Variants in IRAG2 observed in about 807,000 individuals in gnomAD.
IRAG2 encodes the protein lymphoid restricted membrane protein.
In IRAG2, 45 loss-of-function variants were observed where a neutral mutation model predicts 69.9. The observed-to-expected ratio is 0.64, with a 90% CI of 0.51 to 0.83. The LOEUF (loss-of-function observed/expected upper bound fraction) is 0.83, where lower values mean the gene tolerates loss of function less well. Among genes scored for constraint, IRAG2 ranks in the 40% least tolerant of loss-of-function variants. The pLI, the probability that IRAG2 is intolerant of heterozygous loss-of-function variation, is 0.00. For synonymous variants in IRAG2, 193 were observed against 202.4 expected (o/e 0.95, Z 0.40); for missense variants, 520 against 587.0 (o/e 0.89, Z 1.18).
intron 8 of IRAG2, among the ~76,000 whole-genome samples, chr12:25,026,153 C>A (rs1944619704): frequency 2.6e-5 from 4 of 152,062 alleles, no homozygotes; most frequent in Admixed American, 2.6e-4. Context: ...AGTGAGGGGG[C>A]TGGGCATAGT....
intron 4 of IRAG2, among the ~76,000 whole-genome samples, chr12:25,064,363 G>A (rs1271381992): frequency 6.6e-6 from 1 of 152,204 alleles, no homozygotes; most frequent in African/African-American, 2.4e-5. Flanking sequence ...AAAGCCTTAA[G>A]TGTTTGAAAA....
intron 1 of IRAG2, chr12:25,005,173 A>T: frequency 1.2e-6 from 1 of 863,204 alleles, no homozygotes; most frequent in Non-Finnish European, 1.5e-6. Flanking sequence ...TAAACCAAAA[A>T]AAAAAAAGGA....
chr12:25,008,824 G>C (rs1944452452), intron 2 of IRAG2, among the ~76,000 whole-genome samples: 1 of 152,096 alleles, frequency 6.6e-6, no homozygotes, highest in Non-Finnish European at 1.5e-5. Flanking sequence ...TTAAAAAAGT[G>C]ATATACTAAT....
At chr12:25,050,386 G>A (rs1227588074), upstream of IRAG2, among the ~76,000 whole-genome samples, 1 of 151,044 alleles carries the variant, frequency 6.6e-6, no homozygotes, top group Non-Finnish European at 1.5e-5. Flanking sequence ...AAAATTAGCC[G>A]GGCATGGTGG....
intron 6 of IRAG2, among the ~76,000 whole-genome samples, chr12:25,071,534 G>T (rs1402783955): frequency 6.6e-6 from 1 of 152,170 alleles, no homozygotes; most frequent in Non-Finnish European, 1.5e-5. Flanking sequence ...TCAGTTGTGT[G>T]CCAGGAACTT....
intron 14 of IRAG2, chr12:25,092,723 CA>C (rs1238381241): frequency 6.4e-6 from 1 of 155,236 alleles, no homozygotes. Flanking sequence ...TTTCAGCTCC[CA>C]AAAGTGTTCC....
Position 25,060,069 on chromosome 12 carries a change from G to A in IRAG2, c.-446-1523G>A, listed in dbSNP as rs181104581. ...AAAAAAAAGTGGTAGCTATTAATATGCTTCCATCTAGCAGAGCTCCTTATA... is the reference window on the plus strand; with the variant it reads ...AAAAAAAAGTGGTAGCTATTAATATACTTCCATCTAGCAGAGCTCCTTATA... On this transcript the variant is annotated intron_variant, in intron 1 of 21. Transcript: ENST00000556887. Among the ~76,000 whole-genome samples the A allele has an allele frequency of 7.2e-5, 11 of 152,244 alleles. No homozygotes were observed. The East Asian group carries it at 2.1e-3, about 29-fold the overall frequency.
At chr12:25,097,728 C>T (rs1036830908) in intron 15 of IRAG2, 1 of 152,136 alleles carries the variant, frequency 6.6e-6, no homozygotes, top group Admixed American at 6.5e-5. Flanking sequence ...TTTTTAACCC[C>T]TCACTAGAGA....
chr12:25,101,032 G>A, intron 15 of IRAG2, 146 bp from the exon 16 acceptor site: 1 of 564,328 alleles, frequency 1.8e-6, no homozygotes, highest in East Asian at 3.1e-5. Context: ...GTTTGCCCCT[G>A]TAGATGCATG....
chr12:25,050,539 AC>A (rs375806660), upstream of IRAG2, among the ~76,000 whole-genome samples: 24,897 of 90,228 alleles, frequency 0.28, 6,669 homozygotes, highest in Middle Eastern at 0.34. Context: ...AAAAAAACAA[AC>A]AAACAAACAA....
upstream of IRAG2, among the ~76,000 whole-genome samples, chr12:25,002,983 G>A (rs2139811281): frequency 6.6e-6 from 1 of 152,252 alleles, no homozygotes; most frequent in East Asian, 1.9e-4. Context: ...GGTATTGTCA[G>A]GAAACAATGT....
chr12:25,079,516 G>A (rs1947052996), intron 8 of IRAG2, 54 bp downstream of exon 8: 1 of 1,514,688 alleles, frequency 6.6e-7, no homozygotes, highest in Non-Finnish European at 9.2e-7. Flanking sequence ...ACAGCTTTCA[G>A]CCTGATGTTC....
intron 1 of IRAG2, among the ~76,000 whole-genome samples, chr12:25,059,063 C>G (rs976065279): frequency 1.3e-5 from 2 of 152,170 alleles, no homozygotes; most frequent in African/African-American, 2.4e-5. Context: ...AGCAGATGGG[C>G]AATTTAGACA....
At chr12:25,011,351 C>A (rs1411005071) in exon 3 of IRAG2, 30 of 1,231,522 alleles carry the variant, frequency 2.4e-5, no homozygotes, top group South Asian at 4.1e-5. Flanking sequence ...CAGAACTGAT[C>A]TGCTCTTCTT....
exon 14 of IRAG2, chr12:25,035,688 C>T (rs1944697360): frequency 5.0e-6 from 2 of 399,022 alleles, no homozygotes. Flanking sequence ...ATGTAATCAA[C>T]TTGTCATCTC....
chr12:25,015,418 A>G (rs1355250909), exon 5 of IRAG2: 3 of 1,231,870 alleles, frequency 2.4e-6, no homozygotes, highest in East Asian at 3.2e-5. Context: ...AGAAACATCT[A>G]AAGGAGTCTT....
chr12:25,026,924 T>G (rs1453142590), intron 9 of IRAG2: 70 of 847,514 alleles, frequency 8.3e-5, no homozygotes, highest in Non-Finnish European at 1.1e-4. Context: ...AGTATTATTT[T>G]ATGAAAATGT....
intron 16 of IRAG2, among the ~76,000 whole-genome samples, chr12:25,045,196 A>G (rs1944783229): frequency 6.6e-6 from 1 of 152,094 alleles, no homozygotes; most frequent in Non-Finnish European, 1.5e-5. Context: ...ATTAGACTTG[A>G]GACAAATGAA....
In IRAG2 at chr12:25,108,078, ATATGGATCTTGATTTT is replaced by A. The variant is rs775050360; in HGVS notation, c.*21_*36del. Reference sequence around the variant, plus strand: ...CAGTGTGACAGCAGGACATCCTAATATATGGATCTTGATTTTTAAGTTTCAGTATCTGAACTTCGTA... The same window carrying A: ...CAGTGTGACAGCAGGACATCCTAATATAAGTTTCAGTATCTGAACTTCGTA... On this transcript the variant is annotated 3_prime_UTR_variant, in exon 22 of 22. Coordinates refer to ENST00000556887, the MANE Select transcript of IRAG2 (RefSeq NM_001366544.2). 1.2e-6 allele frequency: 2 copies of A among 1,605,286 alleles called. No homozygotes were observed. Among genetic ancestry groups the A allele is most frequent in the African/African-American group, 2.7e-5 (2 of 74,658 alleles).
Sources: allele counts gnomAD v4.1 joint callset (sites outside exome capture counted in the v4.1 genomes callset), GRCh38; gene constraint gnomAD v4.1.1; transcripts MANE v1.5; gene names NCBI Gene and HGNC (gene_info 2026-07-23, HGNC 2026-07-21).